Variants in IPPK observed in about 807,000 individuals in gnomAD.
IPPK encodes inositol-pentakisphosphate 2-kinase.
Under a neutral mutation model 64.6 loss-of-function variants are expected in IPPK, and 22 were observed. The ratio of observed to expected loss-of-function variants is 0.34; its 90% CI spans 0.24 to 0.49. The LOEUF is 0.49. Ranked by LOEUF, IPPK falls within the 20% of genes least tolerant of loss-of-function variation. The pLI is 0.99. For synonymous variants in IPPK, 262 were observed against 247.2 expected, an observed-to-expected ratio of 1.06 and a Z score of -0.56; for missense variants, 532 against 630.7, an observed-to-expected ratio of 0.84 and a Z score of 1.68.
At chr9:92,666,557 C>T (rs1852601504) in intron 1 of IPPK, among the ~76,000 whole-genome samples, 1 of 152,162 alleles carries the variant, frequency 6.6e-6, no homozygotes, top group South Asian at 2.1e-4. Flanking sequence ...TCCAGACACA[C>T]ACCAGGGAAC....
intron 8 of IPPK, among the ~76,000 whole-genome samples, chr9:92,639,185 AAC>A (rs1852001076): frequency 6.6e-6 from 1 of 152,156 alleles, no homozygotes; most frequent in Non-Finnish European, 1.5e-5. Flanking sequence ...AGTAGCTGAG[AAC>A]ACAGGCGCAC....
intron 11 of IPPK, among the ~76,000 whole-genome samples, chr9:92,631,462 G>T (rs117730573): frequency 6.6e-6 from 1 of 152,174 alleles, no homozygotes; most frequent in East Asian, 1.9e-4. Context: ...GATTATAGGC[G>T]TAAGCTGCCG....
At position 92,613,894 on chromosome 9, in the gene IPPK, G is replaced by A. The variant is rs1851349198; in HGVS notation, c.*1938C>T. 6.6e-6 allele frequency: 1 copy of A among 152,208 alleles called. No individual in the cohort carries two copies. The highest frequency in any genetic ancestry group is 6.5e-5 in the Admixed American group (1 of 15,272). 9.4% of individuals were successfully genotyped at this position (152,208 alleles called of 1,614,324 possible). ...CGCCCATTTAGCATTGTTAAGATCTGTGAACGCGTGTTGTCTCAAACCAGT... is the reference window on the plus strand; with the variant it reads ...CGCCCATTTAGCATTGTTAAGATCTATGAACGCGTGTTGTCTCAAACCAGT... On this transcript the variant is annotated 3_prime_UTR_variant, in exon 13 of 13. Transcript: ENST00000287996.
chr9:92,649,826 G>A (rs563653008), intron 4 of IPPK, among the ~76,000 whole-genome samples: 3 of 152,172 alleles, frequency 2.0e-5, no homozygotes, highest in Non-Finnish European at 4.4e-5. Context: ...AGGAGTTCGA[G>A]ACTAGCCTGG....
intron 11 of IPPK, among the ~76,000 whole-genome samples, chr9:92,625,414 G>T (rs1328162046): frequency 6.6e-6 from 1 of 151,974 alleles, no homozygotes; most frequent in Non-Finnish European, 1.5e-5. Context: ...AGTGCACAAC[G>T]GTAGATGTAC....
intron 6 of IPPK, among the ~76,000 whole-genome samples, chr9:92,645,502 T>A (rs1443232575): frequency 6.6e-6 from 1 of 151,038 alleles, no homozygotes; most frequent in Non-Finnish European, 1.5e-5. Context: ...GAAGAGAAAA[T>A]GATTGAATTT....
At chr9:92,653,688 A>G (rs1564039010) in intron 3 of IPPK, among the ~76,000 whole-genome samples, 2 of 152,138 alleles carry the variant, frequency 1.3e-5, no homozygotes, top group South Asian at 4.1e-4. Context: ...CGTCTCTACT[A>G]AAAATACAAA....
chr9:92,659,608 G>A (rs755066179), intron 1 of IPPK, among the ~76,000 whole-genome samples: 13 of 152,262 alleles, frequency 8.5e-5, no homozygotes, highest in Non-Finnish European at 1.9e-4. Flanking sequence ...CAAAGGTGGG[G>A]GGTCCAATGC....
chr9:92,641,940 C>T (rs2131442329), intron 7 of IPPK, among the ~76,000 whole-genome samples: 1 of 152,322 alleles, frequency 6.6e-6, no homozygotes, highest in African/African-American at 2.4e-5. Flanking sequence ...CTGTGCTGAT[C>T]AAAAAGGACA....
chr9:92,642,613 C>G (rs769491187), intron 7 of IPPK, 139 bp downstream of exon 7: 6 of 695,380 alleles, frequency 8.6e-6, no homozygotes, highest in East Asian at 5.2e-5. Context: ...GCGCTGATGG[C>G]AAAAGAGAGC....
chr9:92,664,714 A>G (rs1040781797), intron 1 of IPPK, among the ~76,000 whole-genome samples: 15 of 152,238 alleles, frequency 9.9e-5, no homozygotes, highest in Non-Finnish European at 1.0e-4. Context: ...CCGGGCCCTC[A>G]GATCTCCCAA....
intron 4 of IPPK, among the ~76,000 whole-genome samples, chr9:92,652,305 C>T (rs371942107): frequency 2.0e-5 from 3 of 151,328 alleles, no homozygotes; most frequent in Non-Finnish European, 4.4e-5. Context: ...AAAAAGTAGC[C>T]GAGCATGGTG....
At chr9:92,618,495 A>T (rs1340171215) in intron 12 of IPPK, 1 of 456,668 alleles carries the variant, frequency 2.2e-6, no homozygotes, top group South Asian at 1.5e-5. Context: ...CCTGCATCCA[A>T]GCACATTTCC....
chr9:92,619,536 G>A lies in IPPK; in HGVS notation c.1200C>T (p.Ala400=), dbSNP rs1406801827. 4.4e-6 allele frequency: 7 copies of A among 1,591,122 alleles called. No homozygotes were observed. Among genetic ancestry groups the A allele is most frequent in the African/African-American group, 1.3e-5 (1 of 74,798 alleles). Residue 400 remains alanine (A), a synonymous_variant, in exon 12 of 13, where the codon GCC becomes GCT. Coordinates refer to ENST00000287996, the MANE Select transcript of IPPK (RefSeq NM_022755.6). The part of the protein sequence containing the change: ...KVQQYRVAMT[A]KDCSIMIALS... ...GTGCAATCATGATGGAGCAGTCCTT[G>A]GCAGTCATGGCGACGCGGTACTGCT...
chr9:92,618,217 A>G (rs1398780603), intron 12 of IPPK: 1 of 456,548 alleles, frequency 2.2e-6, no homozygotes, highest in African/African-American at 2.0e-5. Flanking sequence ...AGGCCTGGCT[A>G]GAGTGCTTTG....
At chr9:92,627,295 T>A (rs1421840548) in intron 11 of IPPK, among the ~76,000 whole-genome samples, 1 of 152,160 alleles carries the variant, frequency 6.6e-6, no homozygotes, top group Non-Finnish European at 1.5e-5. Context: ...AAAGAATAAT[T>A]AATACCAATC....
At chr9:92,663,151 AAT>A (rs1852521547) in intron 1 of IPPK, among the ~76,000 whole-genome samples, 1 of 152,250 alleles carries the variant, frequency 6.6e-6, no homozygotes, top group African/African-American at 2.4e-5. Context: ...ATAAAGACAA[AAT>A]ACAGTCATGC....
chr9:92,616,035 G>T lies in IPPK; in HGVS notation c.1273C>A (p.Pro425Thr). The change falls in exon 13 of 13, where the codon CCT becomes ACT. Residue 425 changes from proline (P) to threonine (T), a missense_variant. By Grantham distance (38) the Pro-to-Thr change is conservative. Transcript: ENST00000287996. ...AAGGCAAACCTGGACCTCGATGAAG[G>T]GACGACAGGCCTTTGATCAGAGCTG... ...DASSDQRPVV[P>T]SSRSRFAFSV... The T allele has an allele frequency of 6.2e-7, 1 of 1,613,946 alleles. No individual in the cohort carries two copies. Among genetic ancestry groups the T allele is most frequent in the South Asian group, 1.1e-5 (1 of 91,028 alleles).
chr9:92,616,214 G>A (rs1174834814), intron 12 of IPPK, 157 bp from the exon 13 acceptor site: 2 of 593,868 alleles, frequency 3.4e-6, no homozygotes, highest in African/African-American at 3.7e-5. Context: ...AAAGAGAAGT[G>A]AATGGCCTCA....
Sources: gnomAD v4.1 joint callset for allele counts (sites outside exome capture counted in the v4.1 genomes callset) on GRCh38, gnomAD v4.1.1 for gene constraint, MANE v1.5 for transcripts, NCBI Gene and HGNC (gene_info 2026-07-23, HGNC 2026-07-21) for gene names.